The following MICAL2 variants were observed in gnomAD, a reference collection of about 807,000 sequenced individuals.
MICAL2 encodes [F-actin]-monooxygenase MICAL2.
A neutral mutation model predicts 127.3 loss-of-function variants in MICAL2; 77 were observed. The observed-to-expected ratio is 0.60, with a 90% CI of 0.50 to 0.73. MICAL2 has a LOEUF of 0.73. MICAL2 is among the 30% of genes least tolerant of loss of function. The pLI, the probability that MICAL2 is intolerant of heterozygous loss-of-function variation, is 0.00. For missense variants in MICAL2, 1,351 were observed against 1,434.4 expected (o/e 0.94, Z 0.94); for synonymous variants, 570 against 551.1 (o/e 1.03, Z -0.48).
chr11:12,329,862 G>GAAAAAAAAAAAA (rs59395634), intron 32 of MICAL2, among the ~76,000 whole-genome samples: 4 of 121,958 alleles, frequency 3.3e-5, no homozygotes, highest in African/African-American at 3.3e-5. Flanking sequence ...CCCCAAATAT[G>GAAAAAAAAAAAA]AAAAAAAAAA....
At chr11:12,335,312 C>A (rs1405197192) in intron 32 of MICAL2, among the ~76,000 whole-genome samples, 1 of 148,006 alleles carries the variant, frequency 6.8e-6, no homozygotes, top group Non-Finnish European at 1.5e-5. Flanking sequence ...TTGTTTTTTT[C>A]TTGTAAATTT....
chr11:12,205,894 C>T (rs1371213718), intron 4 of MICAL2, among the ~76,000 whole-genome samples: 1 of 152,106 alleles, frequency 6.6e-6, no homozygotes, highest in African/African-American at 2.4e-5. Context: ...GGGAGGAGGG[C>T]CCTGAGAGCC....
At chr11:12,340,165 G>A (rs543689156) in intron 32 of MICAL2, among the ~76,000 whole-genome samples, 37 of 152,186 alleles carry the variant, frequency 2.4e-4, no homozygotes, top group Middle Eastern at 3.4e-3. Context: ...AACCAAAAAA[G>A]AATCAGCATT....
chr11:12,257,503 A>C (rs770185571), intron 24 of MICAL2, among the ~76,000 whole-genome samples: 54 of 152,194 alleles, frequency 3.5e-4, no homozygotes, highest in Non-Finnish European at 6.8e-4. Flanking sequence ...AGCACTTGAC[A>C]TTTGCTCTGT....
In MICAL2 at chr11:12,349,155, A is replaced by G. The variant is rs191289777; in HGVS notation, c.5516-683A>G. 2.3e-3 allele frequency among the ~76,000 whole-genome samples: 349 copies of G among 152,326 alleles called. 1 individual carries two copies. Among genetic ancestry groups the G allele is most frequent in the African/African-American group, 8.1e-3 (338 of 41,556 alleles). ...GCCACCTTTTAACATTTTAGTACCTAGATATTTAGTATCTAACATTAAATA... is the reference window on the plus strand; with the variant it reads ...GCCACCTTTTAACATTTTAGTACCTGGATATTTAGTATCTAACATTAAATA... On this transcript the variant is annotated intron_variant, in intron 32 of 34. Transcript: ENST00000646065.
intron 16 of MICAL2, 32 bp from the exon 17 acceptor site, chr11:12,239,404 C>T: frequency 6.2e-7 from 1 of 1,613,222 alleles, no homozygotes; most frequent in Non-Finnish European, 8.5e-7. Context: ...TTCCAGGATC[C>T]AACCATCAGT....
chr11:12,127,160 C>T (rs892453006), intron 1 of MICAL2, among the ~76,000 whole-genome samples: 8 of 152,174 alleles, frequency 5.3e-5, no homozygotes, highest in Non-Finnish European at 4.4e-5. Flanking sequence ...TCACAGGGAA[C>T]TCTTGTAAAT....
intron 2 of MICAL2, among the ~76,000 whole-genome samples, chr11:12,285,570 T>G (rs1282820141): frequency 6.6e-6 from 1 of 152,216 alleles, no homozygotes; most frequent in Non-Finnish European, 1.5e-5. Flanking sequence ...GAGGGATTGG[T>G]TAAGTCAGAT....
chr11:12,127,725 G>C (rs1005117077), intron 1 of MICAL2, among the ~76,000 whole-genome samples: 3 of 152,174 alleles, frequency 2.0e-5, no homozygotes, highest in Non-Finnish European at 4.4e-5. Flanking sequence ...GGGAGTCTTT[G>C]AGTGCTCTTG....
At chr11:12,243,891 T>G (rs1039859016) in intron 20 of MICAL2, 96 bp from the exon 21 acceptor site, 1 of 1,462,982 alleles carries the variant, frequency 6.8e-7, no homozygotes. Flanking sequence ...CTTTGCCTTC[T>G]TGAGTGCACA....
chr11:12,174,217 C>A (rs1189752007), intron 3 of MICAL2, among the ~76,000 whole-genome samples: 1 of 150,812 alleles, frequency 6.6e-6, no homozygotes, highest in East Asian at 2.0e-4. Flanking sequence ...AAATTTTAAC[C>A]ATTTTAAAAT....
At chr11:12,295,730 A>G (rs1258496930), downstream of MICAL2, among the ~76,000 whole-genome samples, 1 of 152,026 alleles carries the variant, frequency 6.6e-6, no homozygotes, top group Non-Finnish European at 1.5e-5. Flanking sequence ...TCAACATTAT[A>G]TCATAGATAT....
chr11:12,241,324 T>C (rs988948403), intron 18 of MICAL2, among the ~76,000 whole-genome samples, 162 bp downstream of exon 18: 1 of 152,184 alleles, frequency 6.6e-6, no homozygotes, highest in African/African-American at 2.4e-5. Flanking sequence ...TAACCAAGTA[T>C]GCAACATCAC....
At chr11:12,352,200 G>A (rs114296037) in intron 33 of MICAL2, among the ~76,000 whole-genome samples, 1,554 of 152,252 alleles carry the variant, frequency 0.01, 18 homozygotes, top group African/African-American at 0.035. Context: ...TCTGCATTGA[G>A]GCCAGGTATG....
chr11:12,329,781 T>A (rs192447991), intron 32 of MICAL2, among the ~76,000 whole-genome samples: 1 of 151,112 alleles, frequency 6.6e-6, no homozygotes, highest in African/African-American at 2.4e-5. Context: ...AGAATTTGTC[T>A]AATTTTTACT....
chr11:12,162,231 A>G lies in MICAL2; in HGVS notation c.76A>G (p.Lys26Glu), dbSNP rs758088430. 3 of 1,614,242 alleles carry G rather than the reference A, an allele frequency of 1.9e-6. No homozygotes were observed. In the South Asian group the frequency reaches 3.3e-5, roughly 18 times the overall value. ...FENFVQASTC[K>E]GTLQAFNILT... ...GAACTTTGTCCAGGCATCCACGTGC[A>G]AAGGTACCCTCCAGGCCTTCAACAT... is the stretch of plus-strand genomic sequence containing the variant. Residue 26 changes from lysine to glutamate, a missense_variant, in exon 3 of 28, where the codon AAA becomes GAA. Physicochemically the swap from Lys to Glu is moderately conservative, Grantham distance 56. Coordinates refer to ENST00000683283, the MANE Select transcript of MICAL2 (RefSeq NM_001282663.2).
At chr11:12,165,300 C>T (rs886614833) in intron 3 of MICAL2, among the ~76,000 whole-genome samples, 2 of 152,180 alleles carry the variant, frequency 1.3e-5, no homozygotes, top group Non-Finnish European at 2.9e-5. Flanking sequence ...TCCATGAGGC[C>T]GGTGCTTGTA....
At chr11:12,337,463 C>T (rs1229746168) in intron 32 of MICAL2, among the ~76,000 whole-genome samples, 1 of 152,154 alleles carries the variant, frequency 6.6e-6, no homozygotes, top group Admixed American at 6.5e-5. Flanking sequence ...TTCAGTTCTG[C>T]TCTGGTCTTA....
At chr11:12,338,998 G>T (rs892714116) in intron 32 of MICAL2, among the ~76,000 whole-genome samples, 5 of 152,068 alleles carry the variant, frequency 3.3e-5, no homozygotes, top group African/African-American at 1.2e-4. Flanking sequence ...CTGAATGTTG[G>T]CCTGCCTTGC....
Sources: gnomAD v4.1 joint callset for allele counts (sites outside exome capture counted in the v4.1 genomes callset) on GRCh38, gnomAD v4.1.1 for gene constraint, MANE v1.5 for transcripts, NCBI Gene and HGNC (gene_info 2026-07-23, HGNC 2026-07-21) for gene names.